The following COL4A1 variants were observed in gnomAD, a reference collection of about 807,000 sequenced individuals.
COL4A1 encodes the protein collagen type IV alpha 1 chain.
In COL4A1, 40 loss-of-function variants were observed where a neutral mutation model predicts 216.6. The ratio of observed to expected loss-of-function variants is 0.18; its 90% CI spans 0.14 to 0.24. The LOEUF (loss-of-function observed/expected upper bound fraction) is 0.24, where lower values mean the gene tolerates loss of function less well. Among genes scored for constraint, COL4A1 ranks in the 10% least tolerant of loss-of-function variants. COL4A1 has a pLI of 1.00. For missense variants in COL4A1, 1,628 were observed against 2,196.8 expected (o/e 0.74, Z 5.18); for synonymous variants, 839 against 810.7 (o/e 1.03, Z -0.59).
intron 11 of COL4A1, among the ~76,000 whole-genome samples, chr13:110,209,124 T>C (rs1879651628): frequency 7.0e-6 from 1 of 143,744 alleles, no homozygotes; most frequent in Admixed American, 7.2e-5. Context: ...ATTTACAGTT[T>C]TTAAACTCTT....
At chr13:110,250,979 CG>C (rs1427591294) in intron 1 of COL4A1, among the ~76,000 whole-genome samples, 1 of 152,228 alleles carries the variant, frequency 6.6e-6, no homozygotes, top group Non-Finnish European at 1.5e-5. Flanking sequence ...CTACTCTTCC[CG>C]GTTCCCCGGA....
chr13:110,166,166 C>T, intron 45 of COL4A1, 66 bp downstream of exon 45: 1 of 942,428 alleles, frequency 1.1e-6, no homozygotes, highest in East Asian at 2.4e-5. Context: ...CAATTCTGTG[C>T]ATTCCTGGCT....
At chr13:110,249,660 C>T (rs571549351) in intron 1 of COL4A1, among the ~76,000 whole-genome samples, 1 of 152,296 alleles carries the variant, frequency 6.6e-6, no homozygotes, top group Non-Finnish European at 1.5e-5. Flanking sequence ...AGTCTGGGTT[C>T]ACTGCTATGT....
At chr13:110,247,288 GAC>G (rs995252887) in intron 1 of COL4A1, among the ~76,000 whole-genome samples, 1 of 152,102 alleles carries the variant, frequency 6.6e-6, no homozygotes, top group Non-Finnish European at 1.5e-5. Context: ...GACTCTGTCA[GAC>G]ACACACACGC....
At chr13:110,179,116 G>T (rs1878024279) in intron 30 of COL4A1, 80 bp from the exon 31 acceptor site, 1 of 1,530,684 alleles carries the variant, frequency 6.5e-7, no homozygotes, top group Non-Finnish European at 9.0e-7. Context: ...CACACGAATG[G>T]CCCCAGCAAC....
chr13:110,219,122 CG>C (rs1443329401), intron 2 of COL4A1, among the ~76,000 whole-genome samples: 1 of 152,110 alleles, frequency 6.6e-6, no homozygotes, highest in African/African-American at 2.4e-5. Context: ...GAGGCCCCGC[CG>C]GGAGCTCCCT....
chr13:110,208,502 G>T (rs1375074435), intron 12 of COL4A1, among the ~76,000 whole-genome samples: 1 of 152,174 alleles, frequency 6.6e-6, no homozygotes, highest in Non-Finnish European at 1.5e-5. Context: ...GGCTTACAGG[G>T]TTACTCATCT....
At chr13:110,230,282 G>A (rs539077279) in intron 2 of COL4A1, among the ~76,000 whole-genome samples, 45 of 151,952 alleles carry the variant, frequency 3.0e-4, no homozygotes, top group Middle Eastern at 3.4e-3. Flanking sequence ...TGTGTGGTGC[G>A]TGTATATGTA....
chr13:110,183,283 GA>G lies in COL4A1; in HGVS notation c.1898-8del, dbSNP rs1353349588. ...CCTGGTTCACCCTTTGGACCTAGAG[GA>G]AAAAAAGAGCAAAGACAAACGATGA... On this transcript the variant is annotated splice_polypyrimidine_tract_variant and splice_region_variant and intron_variant, in intron 26 of 51. Transcript: ENST00000375820. 2 of 1,611,102 alleles carry G rather than the reference GA, an allele frequency of 1.2e-6. No individual in the cohort carries two copies. Among genetic ancestry groups the G allele is most frequent in the East Asian group, 2.2e-5 (1 of 44,876 alleles).
Position 110,271,695 on chromosome 13 carries a change from G to A in COL4A1, c.85-28961C>T, listed in dbSNP as rs568906336. ...ACAGCTAAATGCAATATGGAATCCT[G>A]GGCTGGAGCCGAGATCAGAGAAAGA... On this transcript the variant is annotated intron_variant, in intron 1 of 51. Transcript: ENST00000375820. 1.1e-4 allele frequency among the ~76,000 whole-genome samples: 17 copies of A among 152,280 alleles called. No homozygotes were observed. The South Asian group carries it at 3.1e-3, about 28-fold the overall frequency.
intron 2 of COL4A1, among the ~76,000 whole-genome samples, chr13:110,219,724 G>A (rs868618328): frequency 3.2e-4 from 37 of 114,764 alleles, no homozygotes; most frequent in East Asian, 1.3e-3. Flanking sequence ...GTATATATAT[G>A]TGTGTATATA....
intron 1 of COL4A1, among the ~76,000 whole-genome samples, chr13:110,283,292 A>C (rs1419235587): frequency 6.6e-6 from 1 of 152,362 alleles, no homozygotes; most frequent in African/African-American, 2.4e-5. Context: ...AGACTAGAAA[A>C]TTTTATGTCA....
intron 50 of COL4A1, among the ~76,000 whole-genome samples, chr13:110,154,155 C>T (rs1876651491): frequency 1.3e-5 from 2 of 152,208 alleles, no homozygotes; most frequent in South Asian, 4.1e-4. Context: ...GAAGATGGGA[C>T]TAGGACTTCC....
At chr13:110,260,905 A>G (rs969672136) in intron 1 of COL4A1, among the ~76,000 whole-genome samples, 2 of 151,982 alleles carry the variant, frequency 1.3e-5, no homozygotes, top group African/African-American at 4.8e-5. Context: ...GGTGCGGTGG[A>G]GGGCACCTGT....
Position 110,175,776 on chromosome 13 carries a change from G to A in COL4A1, c.3059-419C>T, listed in dbSNP as rs180693768. Among the ~76,000 whole-genome samples the A allele has an allele frequency of 5.9e-5, 9 of 152,346 alleles. No individual in the cohort carries two copies. The East Asian group carries it at 1.7e-3, about 29-fold the overall frequency. ...GTGCACACTCGGTTCTGTGATGCAT[G>A]CTGGTAGCCAGGCTTATTCACACAT... On this transcript the variant is annotated intron_variant, in intron 36 of 51. Transcript: ENST00000375820.
intron 1 of COL4A1, among the ~76,000 whole-genome samples, chr13:110,301,725 G>A (rs1884500913): frequency 6.6e-6 from 1 of 152,212 alleles, no homozygotes; most frequent in African/African-American, 2.4e-5. Flanking sequence ...GGACACTGCA[G>A]GCCGGGGAGC....
chr13:110,256,124 C>G (rs1408218729), intron 1 of COL4A1, among the ~76,000 whole-genome samples: 1 of 152,076 alleles, frequency 6.6e-6, no homozygotes, highest in East Asian at 1.9e-4. Flanking sequence ...TAAAATCTTG[C>G]CTAACATTTC....
At position 110,186,443 on chromosome 13, in the gene COL4A1, G is replaced by A; in HGVS notation, c.1839C>T (p.Pro613=). 6.2e-7 allele frequency: 1 copy of A among 1,613,800 alleles called. No homozygotes were observed. The highest frequency in any genetic ancestry group is 8.5e-7 in the Non-Finnish European group (1 of 1,180,008). Residue 613 remains proline, a synonymous_variant, in exon 26 of 52, where the codon CCC becomes CCT. Coordinates refer to ENST00000375820, the MANE Select transcript of COL4A1 (RefSeq NM_001845.6). ...AGCCTGCTTGTCCTTTGTCACCAAT[G>A]GGACCAGCAGGACCATATCCTGGAG... The part of the protein sequence containing the change: ...PGPPGYGPAG[P]IGDKGQAGFP...
intron 26 of COL4A1, 91 bp downstream of exon 26, chr13:110,186,294 T>C: frequency 6.6e-7 from 1 of 1,519,220 alleles, no homozygotes; most frequent in Non-Finnish European, 9.1e-7. Flanking sequence ...CCCTGGCCTA[T>C]GCGAACCCCA....
Sources: gnomAD v4.1 joint callset for allele counts (sites outside exome capture counted in the v4.1 genomes callset) on GRCh38, gnomAD v4.1.1 for gene constraint, MANE v1.5 for transcripts, NCBI Gene and HGNC (gene_info 2026-07-23, HGNC 2026-07-21) for gene names.